B3GALT1: variants seen among roughly 807,000 people sequenced by gnomAD.
B3GALT1 encodes the protein beta-1,3-galactosyltransferase 1.
B3GALT1 carries 10 observed loss-of-function variants against 23.2 expected under a neutral mutation model. The ratio of observed to expected loss-of-function variants is 0.43; its 90% CI spans 0.27 to 0.73. B3GALT1 has a LOEUF of 0.73. Ranked by LOEUF, B3GALT1 falls within the 30% of genes least tolerant of loss-of-function variation. B3GALT1 has a pLI of 0.21. For missense variants in B3GALT1, 299 were observed against 405.4 expected, an observed-to-expected ratio of 0.74 and a Z score of 2.25; for synonymous variants, 156 against 141.5, an observed-to-expected ratio of 1.10 and a Z score of -0.73.
intron 2 of B3GALT1, among the ~76,000 whole-genome samples, 97 bp from the exon 3 acceptor site, chr2:167,646,812 T>TGGG (rs1472553747): frequency 6.6e-6 from 1 of 152,172 alleles, no homozygotes; most frequent in Non-Finnish European, 1.5e-5. Flanking sequence ...ATTTTGAAAG[T>TGGG]GGGTGTCTAT....
In B3GALT1 at chr2:167,855,258, C is replaced by T. The variant is rs180716342; in HGVS notation, c.-229-13553C>T. Among the ~76,000 whole-genome samples the T allele has an allele frequency of 1.2e-4, 18 of 152,232 alleles. No homozygotes were observed. In the South Asian group the frequency reaches 2.1e-3, roughly 18 times the overall value. Reference sequence around the variant, plus strand: ...AATAAGAAAATAAATTTGATTCTGACGACCATGTAAAAAGTGAGATGCAGA... The same window carrying T: ...AATAAGAAAATAAATTTGATTCTGATGACCATGTAAAAAGTGAGATGCAGA... On this transcript the variant is annotated intron_variant, in intron 4 of 4. Coordinates refer to ENST00000392690, the MANE Select transcript of B3GALT1 (RefSeq NM_020981.4).
At chr2:167,804,516 C>CCACCCCAAAACAGG (rs1208578020) in intron 3 of B3GALT1, among the ~76,000 whole-genome samples, 2 of 151,806 alleles carry the variant, frequency 1.3e-5, no homozygotes, top group Non-Finnish European at 2.9e-5. Context: ...TGTGATGTTC[C>CCACCCCAAAACAGG]CCTTCCTGTG....
chr2:167,608,094 A>G (rs1387003225), intron 2 of B3GALT1, among the ~76,000 whole-genome samples: 1 of 152,192 alleles, frequency 6.6e-6, no homozygotes, highest in Non-Finnish European at 1.5e-5. Context: ...CTACATGCTG[A>G]TATGTCTAAC....
chr2:167,554,662 A>T (rs1213300848), intron 2 of B3GALT1, among the ~76,000 whole-genome samples: 1 of 152,172 alleles, frequency 6.6e-6, no homozygotes, highest in East Asian at 1.9e-4. Flanking sequence ...TCTCATTTTC[A>T]TTGCTATTCC....
intron 4 of B3GALT1, among the ~76,000 whole-genome samples, chr2:167,840,795 G>A (rs574481211): frequency 6.8e-6 from 1 of 147,126 alleles, no homozygotes; most frequent in African/African-American, 2.5e-5. Context: ...AACAATGATA[G>A]ACTGGATTAA....
chr2:167,426,591 T>C (rs953518347), intron 1 of B3GALT1, among the ~76,000 whole-genome samples: 5 of 152,268 alleles, frequency 3.3e-5, no homozygotes, highest in African/African-American at 1.2e-4. Context: ...TGAAGAAGTG[T>C]CTGTTGTATG....
chr2:167,532,241 ACAAT>A (rs906871686), intron 2 of B3GALT1, among the ~76,000 whole-genome samples: 7 of 152,172 alleles, frequency 4.6e-5, no homozygotes, highest in African/African-American at 1.7e-4. Flanking sequence ...TCAGGACAAA[ACAAT>A]CAGGTTCACC....
At position 167,870,465 on chromosome 2, in the gene B3GALT1, GTGT is replaced by G. The variant is rs1690322463; in HGVS notation, c.*450_*452del. ...CTGGATGTGATTATTAATATCGTGT[GTGT>G]TGTTACATTATATTTTTACATATAT... On this transcript the variant is annotated 3_prime_UTR_variant, in exon 5 of 5. Transcript: ENST00000392690. 5.9e-6 allele frequency: 1 copy of G among 170,904 alleles called. No homozygotes were observed. Among genetic ancestry groups the G allele is most frequent in the South Asian group, 2.0e-4 (1 of 5,098 alleles). 10.6% of individuals were successfully genotyped at this position (170,904 alleles called of 1,614,324 possible).
intron 2 of B3GALT1, among the ~76,000 whole-genome samples, chr2:167,537,724 C>T (rs1228078340): frequency 2.0e-5 from 3 of 152,120 alleles, no homozygotes; most frequent in African/African-American, 7.2e-5. Context: ...CTTTTCCTTA[C>T]TTCTGCTCCT....
intron 1 of B3GALT1, among the ~76,000 whole-genome samples, chr2:167,312,529 C>T (rs1696648610): frequency 6.6e-6 from 1 of 151,832 alleles, no homozygotes; most frequent in Non-Finnish European, 1.5e-5. Flanking sequence ...AACAAAAAAA[C>T]CGAGAGAAAC....
intron 3 of B3GALT1, among the ~76,000 whole-genome samples, chr2:167,738,582 A>G (rs950578332): frequency 2.6e-5 from 4 of 152,194 alleles, no homozygotes; most frequent in Non-Finnish European, 5.9e-5. Context: ...AATCTCAAAT[A>G]CTACTAGTAT....
intron 3 of B3GALT1, chr2:167,815,135 T>G (rs1313562572): frequency 2.0e-5 from 3 of 152,390 alleles, no homozygotes; most frequent in Non-Finnish European, 2.9e-5. Context: ...CTTTGCCTTC[T>G]TCTTTCTCCT....
intron 2 of B3GALT1, among the ~76,000 whole-genome samples, chr2:167,594,075 CA>C (rs925038597): frequency 6.6e-6 from 1 of 152,080 alleles, no homozygotes; most frequent in African/African-American, 2.4e-5. Context: ...ACCTGGCTTA[CA>C]AAAAATAGCC....
chr2:167,506,012 A>G (rs1000745396), intron 2 of B3GALT1, among the ~76,000 whole-genome samples: 2 of 152,090 alleles, frequency 1.3e-5, no homozygotes, highest in African/African-American at 4.8e-5. Context: ...GTGAGCCAAG[A>G]TCGTGCCACT....
chr2:167,349,212 C>G (rs987213875), intron 1 of B3GALT1, among the ~76,000 whole-genome samples: 1 of 152,212 alleles, frequency 6.6e-6, no homozygotes, highest in Admixed American at 6.5e-5. Flanking sequence ...AAATTGCACT[C>G]TGTTCTGAGT....
intron 3 of B3GALT1, among the ~76,000 whole-genome samples, chr2:167,718,667 C>T (rs1335605707): frequency 2.0e-5 from 3 of 152,094 alleles, no homozygotes; most frequent in Admixed American, 2.0e-4. Context: ...AACAGGAAAA[C>T]TGTGTGTTTT....
At chr2:167,616,491 C>G (rs1295271350) in intron 2 of B3GALT1, among the ~76,000 whole-genome samples, 2 of 151,920 alleles carry the variant, frequency 1.3e-5, no homozygotes, top group Non-Finnish European at 2.9e-5. Flanking sequence ...CACTTGAGGT[C>G]AGGAGTTTGA....
At chr2:167,382,257 A>G (rs1003051141) in intron 1 of B3GALT1, among the ~76,000 whole-genome samples, 1 of 148,346 alleles carries the variant, frequency 6.7e-6, no homozygotes, top group Admixed American at 6.7e-5. Context: ...TGGCGTGAAA[A>G]CTCTTCTCAT....
chr2:167,500,183 T>C (rs1190182823), intron 2 of B3GALT1, among the ~76,000 whole-genome samples: 1 of 152,194 alleles, frequency 6.6e-6, no homozygotes, highest in Non-Finnish European at 1.5e-5. Flanking sequence ...GGATAGAAGA[T>C]GCAGTTTTGC....
Sources: allele counts gnomAD v4.1 joint callset (sites outside exome capture counted in the v4.1 genomes callset), GRCh38; gene constraint gnomAD v4.1.1; transcripts MANE v1.5; gene names NCBI Gene and HGNC (gene_info 2026-07-23, HGNC 2026-07-21).